Variants in CTNND2 observed in about 807,000 individuals in gnomAD.
CTNND2 encodes catenin delta 2.
CTNND2 carries 22 observed loss-of-function variants against 144.4 expected under a neutral mutation model. The ratio of observed to expected loss-of-function variants is 0.15; its 90% CI spans 0.11 to 0.22. The LOEUF is 0.22. Ranked by LOEUF, CTNND2 falls within the 10% of genes least tolerant of loss-of-function variation. CTNND2 has a pLI of 1.00. For missense variants in CTNND2, 1,353 were observed against 1,618.8 expected (o/e 0.84, Z 2.82); for synonymous variants, 751 against 695.6 (o/e 1.08, Z -1.25).
At chr5:11,490,617 G>GACACATGC (rs1381633492) in intron 3 of CTNND2, among the ~76,000 whole-genome samples, 1 of 152,072 alleles carries the variant, frequency 6.6e-6, no homozygotes, top group Non-Finnish European at 1.5e-5. Flanking sequence ...CACCTGTACA[G>GACACATGC]ACACATGCAC....
At chr5:11,465,092 T>C (rs989140915) in intron 3 of CTNND2, among the ~76,000 whole-genome samples, 52 of 152,350 alleles carry the variant, frequency 3.4e-4, no homozygotes, top group African/African-American at 1.2e-3. Flanking sequence ...AACTGATTTT[T>C]GTCTTTTGGA....
At chr5:11,371,204 T>C (rs1270623745) in intron 7 of CTNND2, among the ~76,000 whole-genome samples, 1 of 152,252 alleles carries the variant, frequency 6.6e-6, no homozygotes, top group African/African-American at 2.4e-5. Context: ...TGATAGTTGA[T>C]GGCTTTGAAA....
chr5:11,708,000 A>C (rs1447144372), intron 2 of CTNND2, among the ~76,000 whole-genome samples: 1 of 152,152 alleles, frequency 6.6e-6, no homozygotes, highest in Non-Finnish European at 1.5e-5. Flanking sequence ...GTGGTAACTC[A>C]CATATATTCA....
intron 2 of CTNND2, among the ~76,000 whole-genome samples, chr5:11,608,077 C>G (rs570087162): frequency 6.6e-6 from 1 of 152,122 alleles, no homozygotes; most frequent in South Asian, 2.1e-4. Flanking sequence ...AATTTTGACC[C>G]TCAAGAGAAC....
In CTNND2 at chr5:11,129,028, A is replaced by G. The variant is rs1371998792; in HGVS notation, c.2160-11461T>C. Reference sequence around the variant, plus strand: ...AAATATATATTATATATAAATAAAAAATATAAATATATATTATATATAAAT... The same window carrying G: ...AAATATATATTATATATAAATAAAAGATATAAATATATATTATATATAAAT... On this transcript the variant is annotated intron_variant, in intron 12 of 21. Coordinates refer to ENST00000304623, the MANE Select transcript of CTNND2 (RefSeq NM_001332.4). Among the ~76,000 whole-genome samples the G allele has an allele frequency of 2.1e-4, 5 of 23,940 alleles. 1 individual carries two copies. In the Admixed American group the frequency reaches 3.3e-3, roughly 16 times the overall value. 15.7% of individuals were successfully genotyped at this position (23,940 alleles called of 152,430 possible).
At chr5:11,878,658 G>A (rs1044045265) in intron 1 of CTNND2, among the ~76,000 whole-genome samples, 5 of 152,114 alleles carry the variant, frequency 3.3e-5, no homozygotes, top group East Asian at 3.9e-4. Context: ...CGTGAAATTC[G>A]GTGTCTACAC....
chr5:11,466,403 T>G (rs1026037938), intron 3 of CTNND2, among the ~76,000 whole-genome samples: 1 of 152,154 alleles, frequency 6.6e-6, no homozygotes, highest in African/African-American at 2.4e-5. Flanking sequence ...ATCTGTCAAT[T>G]TACTACTAAG....
At chr5:11,579,425 T>C (rs992314242) in intron 2 of CTNND2, among the ~76,000 whole-genome samples, 1 of 152,210 alleles carries the variant, frequency 6.6e-6, no homozygotes, top group East Asian at 1.9e-4. Flanking sequence ...AGGCTTATTT[T>C]CAGTCATAAA....
chr5:11,401,503 C>T (rs1234444306), intron 5 of CTNND2, among the ~76,000 whole-genome samples: 2 of 152,212 alleles, frequency 1.3e-5, no homozygotes, highest in African/African-American at 4.8e-5. Context: ...CAGGACTGGA[C>T]ATCCACAGAC....
intron 2 of CTNND2, among the ~76,000 whole-genome samples, chr5:11,635,651 T>C (rs1163625838): frequency 6.6e-6 from 1 of 152,212 alleles, no homozygotes; most frequent in Non-Finnish European, 1.5e-5. Context: ...CTAACATTGT[T>C]TCCTCTGCCC....
chr5:11,470,102 A>G (rs573058960), intron 3 of CTNND2, among the ~76,000 whole-genome samples: 11 of 152,188 alleles, frequency 7.2e-5, no homozygotes, highest in Non-Finnish European at 1.3e-4. Context: ...TCTTTATAAA[A>G]CACACCCTAT....
chr5:11,559,687 C>T (rs931281378), intron 3 of CTNND2, among the ~76,000 whole-genome samples: 5 of 152,178 alleles, frequency 3.3e-5, no homozygotes, highest in African/African-American at 1.2e-4. Flanking sequence ...GGGCATGGTG[C>T]ATATAATCAG....
rs560682486 is a variant in CTNND2 at position 11,385,057 on chromosome 5, G to A, written c.785C>T (p.Pro262Leu). ...GGCCAGCGGGGAGCCCCCGCGCGGC[G>A]GCGCGGGCAGCGTGGAGCTGGAGTA... ...LYYSSSTLPA[P>L]PRGGSPLAAP... The change falls in exon 7 of 22, where the codon CCG becomes CTG. Residue 262 changes from proline to leucine, a missense_variant. This residue lies in a region of CTNND2 where 708 missense variants were observed against 706.4 expected (regional missense o/e 1.00). Transcript: ENST00000304623. The A allele has an allele frequency of 1.8e-6, 2 of 1,102,856 alleles. No individual in the cohort carries two copies. The highest frequency in any genetic ancestry group is 2.2e-6 in the Non-Finnish European group (2 of 911,368). The allele number at this position is 1,102,856 out of a possible 1,614,324, so 68.3% of individuals were successfully genotyped here.
intron 2 of CTNND2, among the ~76,000 whole-genome samples, chr5:11,656,418 G>GA (rs11430294): frequency 0.47 from 68,326 of 146,712 alleles, 19,713 homozygotes; most frequent in Middle Eastern, 0.64. Context: ...AACACTCCCA[G>GA]AAAAAAAAAA....
chr5:11,894,565 C>A (rs189146575), intron 1 of CTNND2, among the ~76,000 whole-genome samples: 1 of 152,320 alleles, frequency 6.6e-6, no homozygotes, highest in East Asian at 1.9e-4. Context: ...TTACCCCCCA[C>A]CATTACTGTA....
chr5:11,074,644 A>G (rs1748718894), intron 16 of CTNND2, among the ~76,000 whole-genome samples: 1 of 152,204 alleles, frequency 6.6e-6, no homozygotes, highest in South Asian at 2.1e-4. Context: ...CAGTATTGAT[A>G]TAACGAAGAT....
intron 2 of CTNND2, among the ~76,000 whole-genome samples, chr5:11,662,147 A>G (rs1377690732): frequency 2.5e-5 from 3 of 119,850 alleles, no homozygotes; most frequent in African/African-American, 1.2e-4. Context: ...GTATATATAC[A>G]CATATATATG....
chr5:11,690,692 C>T lies in CTNND2; in HGVS notation c.174+41444G>A, dbSNP rs1460973543. On this transcript the variant is annotated intron_variant, in intron 2 of 21. Transcript: ENST00000304623. ...TGGAGCTTGCAGTGAGCCGAGATTG[C>T]GCCACTGCAGTCCGCAGTCTGGCCT... 5.2e-5 allele frequency among the ~76,000 whole-genome samples: 7 copies of T among 135,198 alleles called. No individual in the cohort carries two copies. The East Asian group carries it at 7.1e-4, about 14-fold the overall frequency. The allele number at this position is 135,198 out of a possible 152,430, so 88.7% of individuals were successfully genotyped here.
chr5:11,845,994 G>A (rs1794718538), intron 1 of CTNND2, among the ~76,000 whole-genome samples: 1 of 152,120 alleles, frequency 6.6e-6, no homozygotes, highest in Non-Finnish European at 1.5e-5. Flanking sequence ...ATAAATCACA[G>A]CCTAGCACAT....
Sources: gnomAD v4.1 joint callset for allele counts (sites outside exome capture counted in the v4.1 genomes callset) on GRCh38, gnomAD v4.1.1 for gene constraint, gnomAD v4.1.1 regional missense constraint, MANE v1.5 for transcripts, NCBI Gene and HGNC (gene_info 2026-07-23, HGNC 2026-07-21) for gene names.